The following SLC9C1 variants were observed in gnomAD, a reference collection of about 807,000 sequenced individuals.
SLC9C1 encodes the protein solute carrier family 9 member C1.
In SLC9C1, 97 loss-of-function variants were observed where a neutral mutation model predicts 140.9. The ratio of observed to expected loss-of-function variants is 0.69; its 90% CI spans 0.58 to 0.82. The LOEUF (loss-of-function observed/expected upper bound fraction) is 0.82. Ranked by LOEUF, SLC9C1 falls within the 40% of genes least tolerant of loss-of-function variation. SLC9C1 has a pLI of 0.00. For missense variants in SLC9C1, 1,340 were observed against 1,389.3 expected (o/e 0.96, Z 0.56); for synonymous variants, 440 against 442.6 (o/e 0.99, Z 0.07).
intron 7 of SLC9C1, among the ~76,000 whole-genome samples, chr3:112,268,486 T>C (rs1399388377): frequency 6.6e-6 from 1 of 152,236 alleles, no homozygotes; most frequent in East Asian, 1.9e-4. Flanking sequence ...TTGTTAAGTT[T>C]ATTCATTGAT....
At chr3:112,272,442 T>G (rs1358559477) in intron 6 of SLC9C1, among the ~76,000 whole-genome samples, 1 of 152,152 alleles carries the variant, frequency 6.6e-6, no homozygotes, top group African/African-American at 2.4e-5. Context: ...AAATATGTGC[T>G]AACTTCACAG....
chr3:112,244,828 C>T (rs190627377), intron 10 of SLC9C1, among the ~76,000 whole-genome samples: 18 of 152,278 alleles, frequency 1.2e-4, no homozygotes, highest in Admixed American at 1.1e-3. Flanking sequence ...CCCAAAGTTG[C>T]ACATTAGAAT....
chr3:112,243,152 G>C (rs768369363), intron 11 of SLC9C1, among the ~76,000 whole-genome samples: 1 of 152,004 alleles, frequency 6.6e-6, no homozygotes, highest in East Asian at 1.9e-4. Flanking sequence ...TACCATTCAA[G>C]CTAGCCACCC....
At chr3:112,186,096 G>C (rs1014541501) in intron 20 of SLC9C1, 1 of 884,840 alleles carries the variant, frequency 1.1e-6, no homozygotes, top group Non-Finnish European at 1.6e-6. Flanking sequence ...TGAACTTTCT[G>C]TCTTGTTCTT....
At chr3:112,185,962 C>G in intron 20 of SLC9C1, 1 of 1,562,740 alleles carries the variant, frequency 6.4e-7, no homozygotes, top group Non-Finnish European at 8.6e-7. Flanking sequence ...TGGTGGGCGA[C>G]CAGCTCTCTG....
intron 15 of SLC9C1, 72 bp from the exon 16 acceptor site, chr3:112,208,445 G>C (rs2078115682): frequency 9.3e-7 from 1 of 1,077,122 alleles, no homozygotes; most frequent in Non-Finnish European, 1.3e-6. Flanking sequence ...ACTCATTTCT[G>C]TTCTACTTAT....
At chr3:112,212,179 G>T (rs2078227019) in intron 15 of SLC9C1, among the ~76,000 whole-genome samples, 1 of 152,074 alleles carries the variant, frequency 6.6e-6, no homozygotes, top group South Asian at 2.1e-4. Context: ...CAAACACAAA[G>T]GACATCCACA....
intron 10 of SLC9C1, among the ~76,000 whole-genome samples, chr3:112,261,649 A>G (rs545302481): frequency 6.6e-6 from 1 of 152,200 alleles, no homozygotes; most frequent in East Asian, 1.9e-4. Context: ...TCAAGGAGTT[A>G]CTTCTAGTGA....
chr3:112,207,376 A>G (rs944184917), intron 16 of SLC9C1, among the ~76,000 whole-genome samples: 2 of 152,230 alleles, frequency 1.3e-5, no homozygotes, highest in Admixed American at 1.3e-4. Flanking sequence ...TATATGATCT[A>G]CGGCTCTGGA....
At chr3:112,207,928 C>T (rs1444889749) in intron 16 of SLC9C1, among the ~76,000 whole-genome samples, 1 of 152,160 alleles carries the variant, frequency 6.6e-6, no homozygotes, top group Admixed American at 6.5e-5. Context: ...CTTTTAAACT[C>T]ACTTTGTGTC....
rs1191981620 is a variant in SLC9C1 at position 112,291,255 on chromosome 3, C to CA, written c.-88+2837dup. Reference sequence around the variant, plus strand: ...ACATCAAAAGCAATCACAACAAAAGCAAAAATTAACAAATGGGATCTAATT... The same window carrying CA: ...ACATCAAAAGCAATCACAACAAAAGCAAAAAATTAACAAATGGGATCTAATT... On this transcript the variant is annotated intron_variant, in intron 1 of 28. Transcript: ENST00000305815. Among the ~76,000 whole-genome samples, 2 of 152,032 alleles carry CA rather than the reference C, an allele frequency of 1.3e-5. 1 individual carries two copies. Among genetic ancestry groups the CA allele is most frequent in the Admixed American group, 1.3e-4 (2 of 15,276 alleles).
At position 112,211,836 on chromosome 3, in the gene SLC9C1, C is replaced by T. The variant is rs1049711050; in HGVS notation, c.1791-3463G>A. On this transcript the variant is annotated intron_variant, in intron 15 of 28. Coordinates refer to ENST00000305815, the MANE Select transcript of SLC9C1 (RefSeq NM_183061.3). ...ACCTCTGCAGACTTAAATGTCCCTG[C>T]CTGACAGCTTTGAAGAGAGTAGTGG... is the stretch of plus-strand genomic sequence containing the variant. Among the ~76,000 whole-genome samples, 3 of 152,194 alleles carry T rather than the reference C, an allele frequency of 2.0e-5. No homozygotes were observed. In the East Asian group the frequency reaches 5.8e-4, roughly 29 times the overall value.
intron 12 of SLC9C1, among the ~76,000 whole-genome samples, chr3:112,234,541 A>G (rs914165592): frequency 5.9e-5 from 9 of 152,152 alleles, no homozygotes; most frequent in African/African-American, 1.9e-4. Context: ...TTTAGACATG[A>G]AGTCCTTGCC....
chr3:112,210,102 T>G (rs898323737), intron 15 of SLC9C1, among the ~76,000 whole-genome samples: 2 of 152,206 alleles, frequency 1.3e-5, no homozygotes, highest in African/African-American at 4.8e-5. Context: ...GGAAAACAAT[T>G]TGGTGGTTAC....
rs932432681 is a variant in SLC9C1, at chr3:112,167,249, A to T, written c.3336T>A (p.His1112Gln). ...TTAATCCTGGTGTAAGATAACTTTTATGTTTAGGAACAAACTTTCTAATAT... is the reference window on the plus strand; with the variant it reads ...TTAATCCTGGTGTAAGATAACTTTTTTGTTTAGGAACAAACTTTCTAATAT... ...RRNIRKFVPK[H>Q]KSYLTPGLIG... Residue 1112 changes from histidine (H) to glutamine (Q), a missense_variant, in exon 26 of 29, where the codon CAT (histidine) becomes CAA (glutamine). Physicochemically the swap from His to Gln is conservative, Grantham distance 24. Coordinates refer to ENST00000305815, the MANE Select transcript of SLC9C1 (RefSeq NM_183061.3). The T allele has an allele frequency of 1.2e-6, 2 of 1,609,486 alleles. No individual in the cohort carries two copies. The highest frequency in any genetic ancestry group is 1.7e-5 in the Admixed American group (1 of 59,128).
intron 15 of SLC9C1, among the ~76,000 whole-genome samples, chr3:112,210,077 T>C (rs2108071210): frequency 6.6e-6 from 1 of 152,350 alleles, no homozygotes; most frequent in East Asian, 1.9e-4. Flanking sequence ...GATATCAAAA[T>C]TGTATACCAA....
chr3:112,173,599 A>G (rs915941960), intron 23 of SLC9C1, among the ~76,000 whole-genome samples: 3 of 152,218 alleles, frequency 2.0e-5, no homozygotes, highest in Admixed American at 6.5e-5. Flanking sequence ...ATGTTGCTGC[A>G]AAGGACATGA....
At chr3:112,292,929 GA>G (rs2080728807) in intron 1 of SLC9C1, among the ~76,000 whole-genome samples, 1 of 151,220 alleles carries the variant, frequency 6.6e-6, no homozygotes, top group African/African-American at 2.4e-5. Context: ...TCCCATTAAA[GA>G]AAAAAATATT....
chr3:112,268,420 C>T (rs1232848667), intron 7 of SLC9C1, among the ~76,000 whole-genome samples: 1 of 152,134 alleles, frequency 6.6e-6, no homozygotes, highest in Non-Finnish European at 1.5e-5. Flanking sequence ...TCAATTTATT[C>T]AAATTTTATA....
Sources: allele counts gnomAD v4.1 joint callset (sites outside exome capture counted in the v4.1 genomes callset), GRCh38; gene constraint gnomAD v4.1.1; transcripts MANE v1.5; gene names NCBI Gene and HGNC (gene_info 2026-07-23, HGNC 2026-07-21).